ZNF541: variants seen among roughly 807,000 people sequenced by gnomAD.
ZNF541 encodes zinc finger protein 541.
Under a neutral mutation model 123.5 loss-of-function variants are expected in ZNF541, and 23 were observed. The ratio of observed to expected loss-of-function variants is 0.19; its 90% confidence interval spans 0.13 to 0.26. The LOEUF is 0.26. Ranked by LOEUF, ZNF541 falls within the 10% of genes least tolerant of loss-of-function variation. The pLI is 1.00. For missense variants in ZNF541, 1,612 were observed against 1,789.9 expected, an observed-to-expected ratio of 0.90 and a Z score of 1.79; for synonymous variants, 751 against 754.5, an observed-to-expected ratio of 1.00 and a Z score of 0.08.
rs531272356 is a variant in ZNF541 at position 47,521,347 on chromosome 19, G to C, written c.3918C>G (p.Ala1306=). Residue 1306 remains alanine, a synonymous_variant, in exon 17 of 17, where the codon GCC becomes GCG. Coordinates refer to ENST00000391901, the MANE Select transcript of ZNF541 (RefSeq NM_001277075.3). This position sits in a 1 kb window ranked among gnomAD's most constrained non-coding sequence, Gnocchi z 4.2. ...CCTGAAGGCGGTGCCGCTTCATATG[G>C]GCATTTCGACTCTTGATCTTGTCAA... ...RVFDKIKSRN[A]HMKRHRLQDH... is the part of the protein sequence containing the mutation. The C allele has an allele frequency of 6.4e-7, 1 of 1,551,734 alleles. No individual in the cohort carries two copies. Among genetic ancestry groups the C allele is most frequent in the South Asian group, 1.2e-5 (1 of 84,058 alleles).
intron 3 of ZNF541, among the ~76,000 whole-genome samples, chr19:47,549,900 A>G (rs542573019): frequency 6.6e-6 from 1 of 152,312 alleles, no homozygotes; most frequent in Admixed American, 6.5e-5. Context: ...TTGTACAAAG[A>G]TCTAGCTGCA....
chr19:47,572,657 A>AGGG lies in ZNF541; in HGVS notation c.-246+423_-246+425dup, dbSNP rs140378534. Among the ~76,000 whole-genome samples, 1,032 of 149,296 alleles carry AGGG rather than the reference A, an allele frequency of 6.9e-3. 6 individuals carry two copies. Among genetic ancestry groups the AGGG allele is most frequent in the African/African-American group, 0.024 (984 of 40,208 alleles). On this transcript the variant is annotated intron_variant, in intron 1 of 16. Coordinates refer to ENST00000391901, the MANE Select transcript of ZNF541 (RefSeq NM_001277075.3). ...AGGAGGAAGGGGGATTCTGAGCAGA[A>AGGG]GGGGCCTGGAAGAGGCTAGCGAATG...
chr19:47,562,595 G>A (rs191649864), intron 2 of ZNF541, among the ~76,000 whole-genome samples: 3 of 152,174 alleles, frequency 2.0e-5, no homozygotes, highest in Admixed American at 2.0e-4. Flanking sequence ...CAGATAAAAT[G>A]TCCAGTTTTC....
Position 47,554,494 on chromosome 19 carries a change from T to G in ZNF541, c.307+1056A>C, listed in dbSNP as rs1418472995. Among the ~76,000 whole-genome samples, 5 of 152,306 alleles carry G rather than the reference T, an allele frequency of 3.3e-5. No homozygotes were observed. The East Asian group carries it at 9.6e-4, about 29-fold the overall frequency. ...TATCTCGCCAGTGCTTTAAGGTCTATGAAGTGTGTTTACAATAGTTCCTTC... is the reference window on the plus strand; with the variant it reads ...TATCTCGCCAGTGCTTTAAGGTCTAGGAAGTGTGTTTACAATAGTTCCTTC... On this transcript the variant is annotated intron_variant, in intron 3 of 16. Transcript: ENST00000391901.
intron 10 of ZNF541, 80 bp downstream of exon 10, chr19:47,532,829 G>A (rs1207048884): frequency 2.7e-5 from 39 of 1,419,874 alleles, no homozygotes; most frequent in Non-Finnish European, 9.6e-7. Flanking sequence ...CCCACCATGG[G>A]AAGAAGGAAC....
At chr19:47,543,152 A>G (rs1388594932) in intron 5 of ZNF541, among the ~76,000 whole-genome samples, 4 of 152,104 alleles carry the variant, frequency 2.6e-5, no homozygotes, top group African/African-American at 7.2e-5. Context: ...ATTATTTGGC[A>G]CCTGAATAAT....
At chr19:47,535,611 A>T (rs1969779499) in intron 9 of ZNF541, among the ~76,000 whole-genome samples, 1 of 152,150 alleles carries the variant, frequency 6.6e-6, no homozygotes, top group South Asian at 2.1e-4. Flanking sequence ...TACCCAAGAG[A>T]GCTGAGAACA....
chr19:47,534,087 C>G (rs1223236606), intron 9 of ZNF541, among the ~76,000 whole-genome samples: 2 of 152,038 alleles, frequency 1.3e-5, no homozygotes, highest in African/African-American at 4.8e-5. Context: ...AAGAGAGAAC[C>G]AAATGGGAAT....
At chr19:47,551,219 T>C (rs1164778583) in intron 3 of ZNF541, among the ~76,000 whole-genome samples, 3 of 152,134 alleles carry the variant, frequency 2.0e-5, no homozygotes, top group South Asian at 2.1e-4. Flanking sequence ...TTTGTATTTT[T>C]AGTAGAGATG....
chr19:47,521,173 AG>A lies in ZNF541; in HGVS notation c.*50del. 3 of 1,532,506 alleles carry A rather than the reference AG, an allele frequency of 2.0e-6. No homozygotes were observed. Among genetic ancestry groups the A allele is most frequent in the Non-Finnish European group, 2.6e-6 (3 of 1,134,978 alleles). 94.9% of individuals were successfully genotyped at this position (1,532,506 alleles called of 1,614,324 possible). Reference sequence around the variant, plus strand: ...GCCCCAAACGCCCTGGAGAGGCCGAAGGGAGGAGGGGCAGCACTGGAGGCCC... The same window carrying A: ...GCCCCAAACGCCCTGGAGAGGCCGAAGGAGGAGGGGCAGCACTGGAGGCCC... On this transcript the variant is annotated 3_prime_UTR_variant, in exon 17 of 17. Coordinates refer to ENST00000391901, the MANE Select transcript of ZNF541 (RefSeq NM_001277075.3). The surrounding 1 kb of genome is among the most constrained non-coding windows in gnomAD (Gnocchi z 4.2).
At chr19:47,531,444 A>G (rs1969567515) in intron 12 of ZNF541, among the ~76,000 whole-genome samples, 198 bp downstream of exon 12, 1 of 151,976 alleles carries the variant, frequency 6.6e-6, no homozygotes, top group South Asian at 2.1e-4. Flanking sequence ...ACAAGTAGCT[A>G]TGAATTGGGC....
intron 14 of ZNF541, among the ~76,000 whole-genome samples, chr19:47,523,810 C>T (rs1199230384): frequency 1.3e-5 from 2 of 152,220 alleles, no homozygotes; most frequent in Admixed American, 6.5e-5. Flanking sequence ...CCGGAGACCA[C>T]GGCGGTAGAG....
rs1970289038 is a variant in ZNF541 at position 47,545,293 on chromosome 19, G to T, written c.1236C>A (p.Ser412Arg). Residue 412 changes from serine to arginine, a missense_variant, in exon 5 of 17, where the codon AGC becomes AGA. Around this residue, in one of 5 missense-constraint regions of ZNF541, gnomAD observed 1,080 missense variants for 1,013.8 expected, o/e 1.07. Transcript: ENST00000391901. The surrounding 1 kb of genome is among the most constrained non-coding windows in gnomAD (Gnocchi z 7.5). ...VPASSQPSSH[S>R]FQWLRNLPGC... ...CCGGCAGGTTCCGGAGCCACTGGAA[G>T]CTGTGGCTCGATGGCTGGGAACTGG... 6.5e-7 allele frequency: 1 copy of T among 1,549,658 alleles called. No homozygotes were observed. The highest frequency in any genetic ancestry group is 8.7e-7 in the Non-Finnish European group (1 of 1,146,754).
chr19:47,539,276 G>A (rs1447584067), intron 8 of ZNF541, among the ~76,000 whole-genome samples: 3 of 150,610 alleles, frequency 2.0e-5, no homozygotes, highest in Admixed American at 6.6e-5. Flanking sequence ...TGCAAACCAG[G>A]TTCTTCTGGA....
At chr19:47,543,310 C>T (rs760898819) in intron 5 of ZNF541, among the ~76,000 whole-genome samples, 11 of 151,250 alleles carry the variant, frequency 7.3e-5, no homozygotes, top group South Asian at 2.1e-4. Flanking sequence ...CCATGTTGCC[C>T]AGGTTGGACA....
In ZNF541 at chr19:47,528,989, G is replaced by C. The variant is rs369225827; in HGVS notation, c.3531C>G (p.Phe1177Leu). 1.9e-6 allele frequency: 3 copies of C among 1,551,508 alleles called. No individual in the cohort carries two copies. The highest frequency in any genetic ancestry group is 2.4e-5 in the South Asian group (2 of 84,062). The change falls in exon 14 of 17, where the codon TTC becomes TTG. Residue 1177 changes from phenylalanine to leucine, a missense_variant. Physicochemically the swap from Phe to Leu is conservative, Grantham distance 22. Around this residue, in one of 5 missense-constraint regions of ZNF541, gnomAD observed 285 missense variants for 407.3 expected, o/e 0.70. Coordinates refer to ENST00000391901, the MANE Select transcript of ZNF541 (RefSeq NM_001277075.3). ...PIEKRLFKKA[F>L]YAHKKDFYLI... ...AGTAGAAGTCCTTCTTGTGGGCATA[G>C]AACGCCTTCTTAAAAAGCCTCTTCT... is the stretch of plus-strand genomic sequence containing the variant.
In ZNF541 at chr19:47,538,377, C is replaced by G. The variant is rs1713341588; in HGVS notation, c.2859G>C (p.Lys953Asn). ...CAGCCGTGGAGGGTGGGGGCCGCTT[C>G]TTCCGCTTTCTCTGCTGGCTGCTCT... ...SKESSQQRKR[K>N]KRPPPSTAGE... is the part of the protein sequence containing the mutation. The change falls in exon 9 of 17, where the codon AAG becomes AAC. Residue 953 changes from lysine to asparagine, a missense_variant. Lys to Asn is a moderately conservative substitution (Grantham distance 94). Transcript: ENST00000391901. The G allele has an allele frequency of 6.5e-7, 1 of 1,544,272 alleles. No homozygotes were observed. The highest frequency in any genetic ancestry group is 1.2e-5 in the South Asian group (1 of 82,864).
intron 2 of ZNF541, among the ~76,000 whole-genome samples, chr19:47,563,794 T>C (rs890372350): frequency 1.7e-4 from 26 of 152,176 alleles, no homozygotes; most frequent in African/African-American, 5.8e-4. Context: ...TTAGTAGAGA[T>C]AGGGTTTCAC....
Position 47,522,340 on chromosome 19 carries a change from CCA to C in ZNF541, c.3571-348_3571-347del, listed in dbSNP as rs1255374576. Among the ~76,000 whole-genome samples the C allele has an allele frequency of 8.5e-4, 130 of 152,312 alleles. 1 individual carries two copies. The highest frequency in any genetic ancestry group is 3.1e-3 in the African/African-American group (127 of 41,554). On this transcript the variant is annotated intron_variant, in intron 14 of 16. Coordinates refer to ENST00000391901, the MANE Select transcript of ZNF541 (RefSeq NM_001277075.3). ...CGGAATGCTCTCTGCAGGCAGAATA[CCA>C]CACAGACATTACAACAGCTAGGCAG...
Sources: allele counts gnomAD v4.1 joint callset (sites outside exome capture counted in the v4.1 genomes callset), GRCh38; gene constraint gnomAD v4.1.1; regional missense constraint gnomAD v4.1.1; non-coding constraint Gnocchi (gnomAD v3.1); transcripts MANE v1.5; gene names NCBI Gene and HGNC (gene_info 2026-07-23, HGNC 2026-07-21).